Variants in MYLK3 observed in about 807,000 individuals in gnomAD.
MYLK3 encodes the protein myosin light chain kinase 3, also known as MLC kinase.
A neutral mutation model predicts 76.3 loss-of-function variants in MYLK3; 55 were observed. The ratio of observed to expected loss-of-function variants is 0.72; its 90% CI spans 0.58 to 0.90. MYLK3 has a LOEUF of 0.90. Among genes scored for constraint, MYLK3 ranks in the 40% least tolerant of loss-of-function variants. The pLI is 0.00. For missense variants in MYLK3, 973 were observed against 1,053.6 expected (o/e 0.92, Z 1.06); for synonymous variants, 416 against 425.4 (o/e 0.98, Z 0.27).
chr16:46,712,153 A>G, intron 10 of MYLK3, among the ~76,000 whole-genome samples: 1 of 151,654 alleles, frequency 6.6e-6, no homozygotes, highest in East Asian at 1.9e-4. Flanking sequence ...ACAATGCCCA[A>G]CTAATTTTTT....
intron 9 of MYLK3, among the ~76,000 whole-genome samples, chr16:46,719,226 C>A (rs1251464829): frequency 6.6e-6 from 1 of 151,244 alleles, no homozygotes; most frequent in African/African-American, 2.4e-5. Context: ...ACTTGGGAAG[C>A]GGAGGCAGGA....
chr16:46,716,912 G>T (rs1224107393), intron 9 of MYLK3, among the ~76,000 whole-genome samples: 2 of 152,142 alleles, frequency 1.3e-5, no homozygotes, highest in Non-Finnish European at 2.9e-5. Context: ...GGAGAGAGGG[G>T]GCACCCAGGG....
At position 46,712,693 on chromosome 16, in the gene MYLK3, G is replaced by A. The variant is rs1424060095; in HGVS notation, c.2069C>T (p.Ser690Leu). 2 of 1,596,392 alleles carry A rather than the reference G, an allele frequency of 1.3e-6. No individual in the cohort carries two copies. The highest frequency in any genetic ancestry group is 8.5e-7 in the Non-Finnish European group (1 of 1,171,176). Reference sequence around the variant, plus strand: ...CACACTCCACATGTCTGTGGGGAATGAGACAAACTCATAATTGACGACTTC... The same window carrying A: ...CACACTCCACATGTCTGTGGGGAATAAGACAAACTCATAATTGACGACTTC... Reference protein sequence around the residue: ...APEVVNYEFVSFPTDMWSVGV... With the variant: ...APEVVNYEFVLFPTDMWSVGV... The change falls in exon 10 of 13, where the codon TCA becomes TTA. Residue 690 changes from serine (S) to leucine (L), a missense_variant. This residue lies in a region of MYLK3 where 332 missense variants were observed against 416.6 expected (regional missense o/e 0.80). Coordinates refer to ENST00000394809, the MANE Select transcript of MYLK3 (RefSeq NM_182493.3).
chr16:46,762,317 A>G (rs1453013915), intron 1 of MYLK3, among the ~76,000 whole-genome samples: 1 of 152,158 alleles, frequency 6.6e-6, no homozygotes, highest in Non-Finnish European at 1.5e-5. Context: ...TCTATATTTC[A>G]TTTATATTTT....
chr16:46,746,796 C>T (rs1006855364), intron 1 of MYLK3, among the ~76,000 whole-genome samples: 66 of 151,094 alleles, frequency 4.4e-4, no homozygotes, highest in African/African-American at 1.3e-3. Flanking sequence ...AGAAAAGGCA[C>T]GGTGCAGACA....
intron 9 of MYLK3, among the ~76,000 whole-genome samples, chr16:46,718,135 T>C (rs1356715648): frequency 2.0e-5 from 3 of 152,114 alleles, no homozygotes; most frequent in Admixed American, 6.5e-5. Context: ...TTAAATTTCA[T>C]GGCATAGGGG....
chr16:46,737,781 G>C lies in MYLK3; in HGVS notation c.931C>G (p.Gln311Glu). The C allele has an allele frequency of 6.2e-7, 1 of 1,611,908 alleles. No individual in the cohort carries two copies. The highest frequency in any genetic ancestry group is 1.7e-5 in the Admixed American group (1 of 60,028). ...GGCAGCCCTGGAGGCCCTGGGCACT[G>C]AGGGCCAGGCCCTGGAGTCAGCCTC... ...GTRLTPGPGPQCPGPPGLPAQ... is the reference protein window; with the variant it reads ...GTRLTPGPGPECPGPPGLPAQ... The change falls in exon 3 of 13, where the codon CAG (glutamine) becomes GAG (glutamate). Residue 311 changes from glutamine to glutamate, a missense_variant. Gln to Glu is a conservative substitution (Grantham distance 29). This residue lies in a region of MYLK3 where 641 missense variants were observed against 637.0 expected (regional missense o/e 1.01). Coordinates refer to ENST00000394809, the MANE Select transcript of MYLK3 (RefSeq NM_182493.3).
chr16:46,740,590 CAT>C (rs1221213657), intron 1 of MYLK3, among the ~76,000 whole-genome samples: 46 of 134,150 alleles, frequency 3.4e-4, no homozygotes, highest in Non-Finnish European at 3.1e-5. Flanking sequence ...CTTGCTCTGT[CAT>C]CCAGGCTGCA....
chr16:46,742,447 A>AAC lies in MYLK3; in HGVS notation c.478-2302_478-2301dup, dbSNP rs57671045. The stretch of plus-strand genomic sequence containing the variant: ...GACAGGCACCTGTAATCCCAGCAAA[A>AAC]ACACACACACACACACACACACACA... On this transcript the variant is annotated intron_variant, in intron 1 of 12. Transcript: ENST00000394809. Among the ~76,000 whole-genome samples, 46 of 131,184 alleles carry AAC rather than the reference A, an allele frequency of 3.5e-4. 1 individual carries two copies. Among genetic ancestry groups the AAC allele is most frequent in the African/African-American group, 9.8e-4 (35 of 35,636 alleles). 86.1% of individuals were successfully genotyped at this position (131,184 alleles called of 152,430 possible).
At chr16:46,757,888 C>T (rs903204816) in intron 1 of MYLK3, among the ~76,000 whole-genome samples, 4 of 152,138 alleles carry the variant, frequency 2.6e-5, no homozygotes, top group African/African-American at 9.7e-5. Flanking sequence ...GTGCAGGGGC[C>T]CTGGGGATGT....
In MYLK3 at chr16:46,709,613, T is replaced by G; in HGVS notation, c.2326A>C (p.Lys776Gln). The G allele has an allele frequency of 6.2e-7, 1 of 1,614,192 alleles. No individual in the cohort carries two copies. Among genetic ancestry groups the G allele is most frequent in the Non-Finnish European group, 8.5e-7 (1 of 1,180,028 alleles). Residue 776 changes from lysine to glutamine, a missense_variant, in exon 12 of 13, where the codon AAA (lysine) becomes CAA (glutamine). Transcript: ENST00000394809. ...KHEWLNNLPA[K>Q]ASRSKTRLKS... ...AGACGAGTTTTGGATCTTGAAGCTT[T>G]GGCAGGCAAATTATTCAGCCACTCG...
chr16:46,717,384 T>C (rs935450129), intron 9 of MYLK3, among the ~76,000 whole-genome samples: 1 of 152,202 alleles, frequency 6.6e-6, no homozygotes, highest in African/African-American at 2.4e-5. Context: ...ATGGAGGCTT[T>C]TGGCTTGACT....
chr16:46,720,662 G>A (rs963498759), intron 9 of MYLK3, among the ~76,000 whole-genome samples: 4 of 152,076 alleles, frequency 2.6e-5, no homozygotes, highest in Admixed American at 1.3e-4. Flanking sequence ...AGTCCTGAGT[G>A]GTTACAGAAA....
chr16:46,749,532 G>A (rs948388261), upstream of MYLK3, among the ~76,000 whole-genome samples: 4 of 152,284 alleles, frequency 2.6e-5, no homozygotes, highest in Admixed American at 6.5e-5. Flanking sequence ...TTTGGCAGGC[G>A]GATTGCTTGT....
chr16:46,712,794 G>A lies in MYLK3; in HGVS notation c.1986-18C>T. 1 of 1,568,108 alleles carries A rather than the reference G, an allele frequency of 6.4e-7. No individual in the cohort carries two copies. The highest frequency in any genetic ancestry group is 8.6e-7 in the Non-Finnish European group (1 of 1,158,430). ...GCTTGTACCTGGGGAGAAGGGGAGG[G>A]TACAAAGAAGCATGGGGTGAGGCCT... is the stretch of plus-strand genomic sequence containing the variant. On this transcript the variant is annotated intron_variant, in intron 9 of 12. Coordinates refer to ENST00000394809, the MANE Select transcript of MYLK3 (RefSeq NM_182493.3).
At chr16:46,735,986 A>T (rs933357086) in intron 3 of MYLK3, among the ~76,000 whole-genome samples, 1 of 152,308 alleles carries the variant, frequency 6.6e-6, no homozygotes. Context: ...TCATGGCCTC[A>T]GGATCCTCTG....
At chr16:46,761,768 A>T (rs777075703) in intron 1 of MYLK3, among the ~76,000 whole-genome samples, 8 of 152,192 alleles carry the variant, frequency 5.3e-5, no homozygotes, top group Non-Finnish European at 1.0e-4. Context: ...CAGTGAGCTG[A>T]GATTGCACCA....
intron 9 of MYLK3, among the ~76,000 whole-genome samples, chr16:46,719,784 G>T (rs890941120): frequency 6.6e-6 from 1 of 152,202 alleles, no homozygotes; most frequent in Non-Finnish European, 1.5e-5. Context: ...GACAGTGTTG[G>T]GTGGCGCCAT....
intron 1 of MYLK3, among the ~76,000 whole-genome samples, chr16:46,744,303 A>C (rs1044475663): frequency 1.5e-5 from 2 of 130,640 alleles, no homozygotes; most frequent in African/African-American, 5.8e-5. Context: ...AAATGCTGGA[A>C]TTACAGGCGT....
Sources: gnomAD v4.1 joint callset for allele counts (sites outside exome capture counted in the v4.1 genomes callset) on GRCh38, gnomAD v4.1.1 for gene constraint, gnomAD v4.1.1 regional missense constraint, MANE v1.5 for transcripts, NCBI Gene and HGNC (gene_info 2026-07-23, HGNC 2026-07-21) for gene names.